The following KLHL29 variants were observed in gnomAD, a reference collection of about 807,000 sequenced individuals.
KLHL29 encodes kelch like family member 29.
Under a neutral mutation model 80.4 loss-of-function variants are expected in KLHL29, and 21 were observed. That is an observed-to-expected ratio of 0.26 (90% CI 0.19 to 0.38). KLHL29 has a LOEUF of 0.38. Among genes scored for constraint, KLHL29 ranks in the 10% least tolerant of loss-of-function variants. The pLI, the probability that KLHL29 is intolerant of heterozygous loss-of-function variation, is 1.00. For synonymous variants in KLHL29, 511 were observed against 526.8 expected, an observed-to-expected ratio of 0.97 and a Z score of 0.41; for missense variants, 867 against 1,223.9, an observed-to-expected ratio of 0.71 and a Z score of 4.35.
intron 2 of KLHL29, among the ~76,000 whole-genome samples, chr2:23,501,010 G>A (rs1172810282): frequency 1.3e-5 from 2 of 152,140 alleles, no homozygotes; most frequent in Non-Finnish European, 2.9e-5. Flanking sequence ...CTGGGAAAGT[G>A]GTGGCCCAGT....
chr2:23,445,905 G>A (rs559582865), intron 1 of KLHL29, among the ~76,000 whole-genome samples: 1 of 152,176 alleles, frequency 6.6e-6, no homozygotes, highest in East Asian at 1.9e-4. Flanking sequence ...TATAAACTGT[G>A]TACATCTTTT....
intron 5 of KLHL29, among the ~76,000 whole-genome samples, chr2:23,665,112 G>A (rs1263589840): frequency 6.6e-6 from 1 of 152,256 alleles, no homozygotes; most frequent in Non-Finnish European, 1.5e-5. Flanking sequence ...TGTTCTGAGT[G>A]TGAGAGCTCT....
At chr2:23,458,281 G>A (rs2103426415) in intron 1 of KLHL29, among the ~76,000 whole-genome samples, 1 of 152,344 alleles carries the variant, frequency 6.6e-6, no homozygotes, top group Non-Finnish European at 1.5e-5. Flanking sequence ...TGCTCCCACT[G>A]GAGCTGGGCT....
chr2:23,687,022 G>A (rs1478332103), intron 6 of KLHL29, among the ~76,000 whole-genome samples: 1 of 152,116 alleles, frequency 6.6e-6, no homozygotes, highest in African/African-American at 2.4e-5. Context: ...GGTCAAGAGA[G>A]AAGCTGATGT....
intron 1 of KLHL29, among the ~76,000 whole-genome samples, chr2:23,410,807 C>A (rs1019610974): frequency 6.6e-6 from 1 of 152,054 alleles, no homozygotes; most frequent in Non-Finnish European, 1.5e-5. Flanking sequence ...GAGACGTAAA[C>A]ACGGGAAACC....
intron 5 of KLHL29, among the ~76,000 whole-genome samples, chr2:23,646,746 C>T (rs1669945496): frequency 6.6e-6 from 1 of 152,216 alleles, no homozygotes; most frequent in Non-Finnish European, 1.5e-5. Context: ...GCATTCATCC[C>T]TGTCTTCACA....
rs1669695111 is a variant in KLHL29, at chr2:23,639,102, G to GAAAACC, written c.286-37_286-36insAAAACC. On this transcript the variant is annotated intron_variant, in intron 3 of 13. Transcript: ENST00000486442. The stretch of plus-strand genomic sequence containing the variant: ...GTCTTGTTCTGGAGGCTGGTCTCTG[G>GAAAACC]CCAGGCTATGCTCACCTCCTCATCT... The GAAAACC allele has an allele frequency of 4.7e-6, 7 of 1,489,790 alleles. No homozygotes were observed. In the East Asian group the frequency reaches 1.8e-4, roughly 39 times the overall value. 92.3% of individuals were successfully genotyped at this position (1,489,790 alleles called of 1,614,324 possible).
At chr2:23,433,531 C>T (rs200820828) in intron 1 of KLHL29, among the ~76,000 whole-genome samples, 4 of 108,074 alleles carry the variant, frequency 3.7e-5, no homozygotes, top group Non-Finnish European at 5.4e-5. Context: ...AGTACATCCC[C>T]ACAGCAGCTG....
intron 2 of KLHL29, among the ~76,000 whole-genome samples, chr2:23,528,837 C>T (rs897057751): frequency 2.0e-5 from 3 of 152,236 alleles, no homozygotes; most frequent in Non-Finnish European, 2.9e-5. Context: ...CAGCCTGACT[C>T]GCAGTGCTAT....
intron 11 of KLHL29, among the ~76,000 whole-genome samples, chr2:23,701,991 TTTTG>T (rs1459832983): frequency 6.6e-6 from 1 of 151,608 alleles, no homozygotes; most frequent in Non-Finnish European, 1.5e-5. Flanking sequence ...TTTTTTTTTT[TTTTG>T]TATTTTTAGT....
rs566176593 is a variant in KLHL29, at chr2:23,444,470, G to A, written c.-153-31090G>A. 2.6e-5 allele frequency among the ~76,000 whole-genome samples: 4 copies of A among 152,088 alleles called. No homozygotes were observed. In the South Asian group the frequency reaches 6.2e-4, roughly 24 times the overall value. ...CTCCCGGGTGGCTGAGATTACAGGC[G>A]CCTGCCACCATGCCCAGCTAATTTT... On this transcript the variant is annotated intron_variant, in intron 1 of 13. Coordinates refer to ENST00000486442, the MANE Select transcript of KLHL29 (RefSeq NM_052920.2).
At chr2:23,489,259 G>A (rs1268699600) in intron 2 of KLHL29, among the ~76,000 whole-genome samples, 1 of 152,092 alleles carries the variant, frequency 6.6e-6, no homozygotes, top group African/African-American at 2.4e-5. Flanking sequence ...GGGAGGAAGG[G>A]CCTACCCGCG....
At chr2:23,536,178 C>T (rs747724939) in intron 2 of KLHL29, among the ~76,000 whole-genome samples, 2 of 152,140 alleles carry the variant, frequency 1.3e-5, no homozygotes, top group African/African-American at 2.4e-5. Context: ...CCACATATCG[C>T]GCCACTGGTT....
At position 23,680,664 on chromosome 2, in the gene KLHL29, TCCTGGGCTCTCTAGGCCATCTTCC is replaced by T. The variant is rs1558436880; in HGVS notation, c.941-3728_941-3705del. The stretch of plus-strand genomic sequence containing the variant: ...CTCCTGGGGTCTCTAGGCCATCTTC[TCCTGGGCTCTCTAGGCCATCTTCC>T]CCTGGGGTCTCTAGGCCATCTTCCC... On this transcript the variant is annotated intron_variant, in intron 5 of 13. Coordinates refer to ENST00000486442, the MANE Select transcript of KLHL29 (RefSeq NM_052920.2). This position sits in a 1 kb window ranked among gnomAD's most constrained non-coding sequence, Gnocchi z 4.1. Among the ~76,000 whole-genome samples the T allele has an allele frequency of 5.1e-4, 76 of 148,348 alleles. No homozygotes were observed. Among genetic ancestry groups the T allele is most frequent in the Non-Finnish European group, 6.6e-4 (44 of 66,318 alleles).
At chr2:23,533,557 G>A (rs944134690) in intron 2 of KLHL29, among the ~76,000 whole-genome samples, 3 of 150,238 alleles carry the variant, frequency 2.0e-5, no homozygotes, top group South Asian at 4.2e-4. Context: ...GAGCCTTGGC[G>A]CTGGCTCGCA....
chr2:23,527,187 T>C (rs547581140), intron 2 of KLHL29, among the ~76,000 whole-genome samples: 1 of 152,224 alleles, frequency 6.6e-6, no homozygotes, highest in South Asian at 2.1e-4. Flanking sequence ...AGGACACGTG[T>C]GTTTCCTGCC....
chr2:23,482,322 C>T (rs1252862461), intron 2 of KLHL29, among the ~76,000 whole-genome samples: 1 of 152,210 alleles, frequency 6.6e-6, no homozygotes. Flanking sequence ...ATTTGATTTT[C>T]TAAGAGGCCT....
chr2:23,692,835 G>A (rs897150813), intron 7 of KLHL29, among the ~76,000 whole-genome samples: 1 of 152,172 alleles, frequency 6.6e-6, no homozygotes, highest in Non-Finnish European at 1.5e-5. Flanking sequence ...GCTGGGAGGT[G>A]TGTGAGGGGC....
chr2:23,660,466 A>C (rs1349413020), intron 5 of KLHL29, among the ~76,000 whole-genome samples: 1 of 152,240 alleles, frequency 6.6e-6, no homozygotes, highest in Non-Finnish European at 1.5e-5. Flanking sequence ...GAGCTTCCAC[A>C]TGAGGAGCTG....
Sources: gnomAD v4.1 joint callset for allele counts (sites outside exome capture counted in the v4.1 genomes callset) on GRCh38, gnomAD v4.1.1 for gene constraint, Gnocchi (gnomAD v3.1) non-coding constraint, MANE v1.5 for transcripts, NCBI Gene and HGNC (gene_info 2026-07-23, HGNC 2026-07-21) for gene names.